Variants in HSP90AA1 observed in about 807,000 individuals in gnomAD.
HSP90AA1 encodes heat shock protein HSP 90-alpha.
A neutral mutation model predicts 73.3 loss-of-function variants in HSP90AA1; 18 were observed. The observed-to-expected ratio is 0.25, with a 90% CI of 0.17 to 0.36. The LOEUF is 0.36. Among genes scored for constraint, HSP90AA1 ranks in the 10% least tolerant of loss-of-function variants. The pLI is 1.00. For missense variants in HSP90AA1, 704 were observed against 874.2 expected, an observed-to-expected ratio of 0.81 and a Z score of 2.45; for synonymous variants, 477 against 296.9, an observed-to-expected ratio of 1.61 and a Z score of -6.24.
chr14:102,083,403 G>T, intron 8 of HSP90AA1, 101 bp from the exon 9 acceptor site: 1 of 1,432,108 alleles, frequency 7.0e-7, no homozygotes, highest in Non-Finnish European at 9.8e-7. Context: ...CAGAACCTAA[G>T]ACAGAAAATG....
intron 1 of HSP90AA1, 59 bp from the exon 2 acceptor site, chr14:102,086,437 A>T: frequency 3.2e-6 from 5 of 1,572,082 alleles, no homozygotes; most frequent in Non-Finnish European, 3.5e-6. Flanking sequence ...GCAACACGAA[A>T]TTCCATCGCG....
chr14:102,087,288 C>T, upstream of HSP90AA1: 2 of 496,712 alleles, frequency 4.0e-6, no homozygotes, highest in Non-Finnish European at 5.2e-6. Context: ...TCTCGCACGC[C>T]CCCGCGCCGG....
At chr14:102,087,695 T>C (rs1163809619), upstream of HSP90AA1, among the ~76,000 whole-genome samples, 1 of 152,156 alleles carries the variant, frequency 6.6e-6, no homozygotes, top group Non-Finnish European at 1.5e-5. Flanking sequence ...GCCTGCGCGC[T>C]CGGGGATTCT....
At chr14:102,093,449 C>T (rs1363746503) in intron 2 of HSP90AA1, among the ~76,000 whole-genome samples, 1 of 148,100 alleles carries the variant, frequency 6.8e-6, no homozygotes, top group Non-Finnish European at 1.5e-5. Context: ...CACACCACTG[C>T]ACTCCAGCCT....
chr14:102,084,011 G>A, intron 6 of HSP90AA1, 28 bp from the exon 7 acceptor site: 1 of 1,552,744 alleles, frequency 6.4e-7, no homozygotes, highest in Non-Finnish European at 8.9e-7. Context: ...CAAATGCACT[G>A]AGTCATTCCA....
chr14:102,124,240 G>A (rs1056396622), intron 1 of HSP90AA1, among the ~76,000 whole-genome samples: 1 of 139,030 alleles, frequency 7.2e-6, no homozygotes, highest in African/African-American at 2.7e-5. Context: ...CTCCCAGGCT[G>A]GAGCACAATG....
At chr14:102,098,581 C>T (rs1470894679) in intron 2 of HSP90AA1, among the ~76,000 whole-genome samples, 9 of 151,034 alleles carry the variant, frequency 6.0e-5, no homozygotes, top group African/African-American at 1.7e-4. Flanking sequence ...CTCCTGCCTC[C>T]GCCTCCTGAG....
At chr14:102,129,065 T>C (rs550663225) in intron 1 of HSP90AA1, among the ~76,000 whole-genome samples, 3 of 152,142 alleles carry the variant, frequency 2.0e-5, no homozygotes, top group African/African-American at 7.2e-5. Flanking sequence ...TAAGTAGTTA[T>C]GCCTGGATAA....
chr14:102,136,623 C>T (rs2050001700), intron 1 of HSP90AA1, among the ~76,000 whole-genome samples: 1 of 150,152 alleles, frequency 6.7e-6, no homozygotes, highest in Admixed American at 6.6e-5. Context: ...CGCGGTGGCT[C>T]ACGCCTATAA....
At position 102,083,412 on chromosome 14, in the gene HSP90AA1, T is replaced by C. The variant is rs924399452; in HGVS notation, c.1487-110A>G. 5 of 1,438,532 alleles carry C rather than the reference T, an allele frequency of 3.5e-6. No individual in the cohort carries two copies. In the African/African-American group the frequency reaches 4.2e-5, roughly 12 times the overall value. The allele number at this position is 1,438,532 out of a possible 1,614,324, so 89.1% of individuals were successfully genotyped here. On this transcript the variant is annotated intron_variant, in intron 8 of 10. Transcript: ENST00000216281. ...CCTAGGCAGAACCTAAGACAGAAAA[T>C]GACCTAGTTCATGTTAATTATCTTG...
chr14:102,102,130 A>C, intron 1 of HSP90AA1: 3 of 1,527,500 alleles, frequency 2.0e-6, no homozygotes, highest in Non-Finnish European at 2.7e-6. Context: ...ACCAAACATA[A>C]CAGAGATAGG....
chr14:102,129,622 C>G (rs1325326576), intron 1 of HSP90AA1, among the ~76,000 whole-genome samples: 1 of 151,776 alleles, frequency 6.6e-6, no homozygotes, highest in African/African-American at 2.4e-5. Flanking sequence ...CCTGCCTCAG[C>G]CTCTCGAGTA....
chr14:102,103,268 G>A (rs1478551116), intron 1 of HSP90AA1, among the ~76,000 whole-genome samples: 1 of 146,322 alleles, frequency 6.8e-6, no homozygotes, highest in African/African-American at 2.5e-5. Flanking sequence ...CTAGTGCAGT[G>A]GCATGATCAT....
Position 102,086,382 on chromosome 14 carries a change from G to T in HSP90AA1, c.1-4C>A, listed in dbSNP as rs753204432. On this transcript the variant is annotated splice_polypyrimidine_tract_variant and splice_region_variant and intron_variant, in intron 1 of 10. Coordinates refer to ENST00000216281, the MANE Select transcript of HSP90AA1 (RefSeq NM_005348.4). ...GGGTCTGGGTTTCCTCAGGCATCTG[G>T]AACGACACCGCGCCGGTTTAAAACC... 6.2e-6 allele frequency: 10 copies of T among 1,614,174 alleles called. No individual in the cohort carries two copies. Among genetic ancestry groups the T allele is most frequent in the Middle Eastern group, 1.6e-4 (1 of 6,062 alleles).
chr14:102,081,707 A>C lies in HSP90AA1; in HGVS notation c.*5T>G. On this transcript the variant is annotated 3_prime_UTR_variant, in exon 11 of 11. Coordinates refer to ENST00000216281, the MANE Select transcript of HSP90AA1 (RefSeq NM_005348.4). ...TGAACAGGTAAGTCATCCCTCAGCC[A>C]GAGATTAGTCTACTTCTTCCATGCG... The C allele has an allele frequency of 1.6e-6, 2 of 1,265,510 alleles. No homozygotes were observed. Among genetic ancestry groups the C allele is most frequent in the Non-Finnish European group, 2.3e-6 (2 of 861,416 alleles). The allele number at this position is 1,265,510 out of a possible 1,614,324, so 78.4% of individuals were successfully genotyped here. A position where few individuals can be genotyped will look rare whatever the true frequency, so the allele number is the denominator to read the frequency against.
At chr14:102,120,325 C>T (rs900596791) in intron 1 of HSP90AA1, among the ~76,000 whole-genome samples, 1 of 152,124 alleles carries the variant, frequency 6.6e-6, no homozygotes, top group African/African-American at 2.4e-5. Context: ...TGCCACTGCA[C>T]TCTATCCTGG....
At chr14:102,098,100 C>A (rs2049447424) in intron 2 of HSP90AA1, among the ~76,000 whole-genome samples, 1 of 152,238 alleles carries the variant, frequency 6.6e-6, no homozygotes, top group South Asian at 2.1e-4. Context: ...CTTCTTTATT[C>A]CTCCTTGACT....
chr14:102,087,775 A>T (rs113096546), upstream of HSP90AA1, among the ~76,000 whole-genome samples: 1 of 152,010 alleles, frequency 6.6e-6, no homozygotes, highest in African/African-American at 2.4e-5. Context: ...CTTCATACTT[A>T]AGGGTCCCTT....
rs80020850 is a variant in HSP90AA1, at chr14:102,082,104, G to C, written c.2089+7C>G. The C allele has an allele frequency of 3.8e-6, 6 of 1,579,454 alleles. No homozygotes were observed. The highest frequency in any genetic ancestry group is 5.2e-6 in the Non-Finnish European group (6 of 1,148,678). The stretch of plus-strand genomic sequence containing the variant: ...TTCTTTTTAACATTACATAGTATAA[G>C]GCTTACCCAGACCAAGTTTGATCAT... On this transcript the variant is annotated splice_region_variant and intron_variant, in intron 10 of 10. Coordinates refer to ENST00000216281, the MANE Select transcript of HSP90AA1 (RefSeq NM_005348.4).
Sources: gnomAD v4.1 joint callset for allele counts (sites outside exome capture counted in the v4.1 genomes callset) on GRCh38, gnomAD v4.1.1 for gene constraint, MANE v1.5 for transcripts, NCBI Gene and HGNC (gene_info 2026-07-23, HGNC 2026-07-21) for gene names.